Variants in TEK observed in about 807,000 individuals in gnomAD.
The protein encoded by TEK is angiopoietin-1 receptor.
Under a neutral mutation model 131.8 loss-of-function variants are expected in TEK, and 43 were observed. That is an observed-to-expected ratio of 0.33 (90% CI 0.26 to 0.42). The LOEUF is 0.42. TEK is among the 10% of genes least tolerant of loss of function. The probability of loss-of-function intolerance (pLI) is 1.00; values close to 1 mark genes in which losing one functional copy is unlikely to be tolerated. For synonymous variants in TEK, 580 were observed against 491.6 expected, an observed-to-expected ratio of 1.18 and a Z score of -2.38; for missense variants, 1,162 against 1,384.4, an observed-to-expected ratio of 0.84 and a Z score of 2.55.
In TEK at chr9:27,212,834, C is replaced by G. The variant is rs886063825; in HGVS notation, c.2814C>G (p.Ser938=). The G allele has an allele frequency of 1.2e-6, 2 of 1,614,052 alleles. No individual in the cohort carries two copies. The highest frequency in any genetic ancestry group is 4.5e-5 in the East Asian group (2 of 44,874). The change falls in exon 17 of 23, where the codon TCC becomes TCG. Residue 938 remains serine (S), a synonymous_variant. Coordinates refer to ENST00000380036, the MANE Select transcript of TEK (RefSeq NM_000459.5). ...ATAGCACCGCGTCCACACTGTCCTC[C>G]CAGCAGCTCCTTCACTTCGCTGCCG... ...IANSTASTLS[S]QQLLHFAADV... is the part of the protein sequence containing the mutation.
chr9:27,227,503 C>A (rs1220230992), intron 21 of TEK, among the ~76,000 whole-genome samples: 2 of 152,172 alleles, frequency 1.3e-5, no homozygotes, highest in Non-Finnish European at 2.9e-5. Context: ...TCTCACAGTT[C>A]TGAAGGCTGG....
intron 1 of TEK, among the ~76,000 whole-genome samples, chr9:27,136,611 A>T (rs1822452899): frequency 6.6e-6 from 1 of 152,168 alleles, no homozygotes; most frequent in Non-Finnish European, 1.5e-5. Flanking sequence ...ACGGGGACTG[A>T]CATACATTTG....
At chr9:27,136,989 C>T (rs897584018) in intron 1 of TEK, among the ~76,000 whole-genome samples, 5 of 152,108 alleles carry the variant, frequency 3.3e-5, no homozygotes, top group African/African-American at 4.8e-5. Context: ...AGTCTCGGCT[C>T]ACTGCAACCT....
At position 27,213,842 on chromosome 9, in the gene TEK, C is replaced by T. The variant is rs933461938; in HGVS notation, c.2991+245C>T. On this transcript the variant is annotated intron_variant, in intron 18 of 22. Transcript: ENST00000380036. ...TGACCAAGTGATTGAATGTTCAAAC[C>T]TAGTGGTTTGGGGTCTTGGTTCTAT... 2.0e-5 allele frequency among the ~76,000 whole-genome samples: 3 copies of T among 152,194 alleles called. No homozygotes were observed. In the South Asian group the frequency reaches 6.2e-4, roughly 32 times the overall value.
intron 21 of TEK, among the ~76,000 whole-genome samples, chr9:27,225,691 A>T (rs1387113641): frequency 2.0e-5 from 3 of 152,208 alleles, no homozygotes; most frequent in African/African-American, 7.2e-5. Flanking sequence ...AGACTTCATG[A>T]CTAAAACACC....
At chr9:27,184,289 T>C (rs1824511656) in intron 8 of TEK, among the ~76,000 whole-genome samples, 1 of 152,158 alleles carries the variant, frequency 6.6e-6, no homozygotes, top group South Asian at 2.1e-4. Flanking sequence ...ATGCTTTCCT[T>C]CTCTCTCCCA....
intron 1 of TEK, among the ~76,000 whole-genome samples, chr9:27,152,590 G>GCC (rs370861168): frequency 0.15 from 21,423 of 139,772 alleles, 2,104 homozygotes; most frequent in Admixed American, 0.2. Flanking sequence ...CTTATATGAA[G>GCC]CCCCCCCGCC....
chr9:27,209,307 A>G, intron 16 of TEK, 76 bp downstream of exon 16: 1 of 1,057,648 alleles, frequency 9.5e-7, no homozygotes, highest in South Asian at 1.3e-5. Flanking sequence ...ATAAGGAAAG[A>G]TAATGATCTT....
intron 1 of TEK, among the ~76,000 whole-genome samples, chr9:27,147,037 T>G (rs1028753895): frequency 6.6e-6 from 1 of 152,152 alleles, no homozygotes; most frequent in African/African-American, 2.4e-5. Flanking sequence ...CCAACATTCA[T>G]TGTATGAATG....
At chr9:27,146,699 T>C (rs1587515128) in intron 1 of TEK, among the ~76,000 whole-genome samples, 1 of 151,142 alleles carries the variant, frequency 6.6e-6, no homozygotes, top group Non-Finnish European at 1.5e-5. Flanking sequence ...TATGAATAAA[T>C]AGAGCTGCTA....
Position 27,206,666 on chromosome 9 carries a change from C to G in TEK, c.2449C>G (p.Pro817Ala). The change falls in exon 15 of 23, where the codon CCA becomes GCA. Residue 817 changes from proline (P) to alanine (A), a missense_variant. Around this residue, in one of 6 missense-constraint regions of TEK, gnomAD observed 477 missense variants for 471.0 expected, o/e 1.01. Coordinates refer to ENST00000380036, the MANE Select transcript of TEK (RefSeq NM_000459.5). ...AAACAACCCAGATCCTACAATTTAT[C>G]CAGTGCTTGACTGGAATGACATCAA... is the stretch of plus-strand genomic sequence containing the variant. The part of the protein sequence containing the change: ...VKNNPDPTIY[P>A]VLDWNDIKFQ... The G allele has an allele frequency of 6.2e-7, 1 of 1,614,064 alleles. No homozygotes were observed. The highest frequency in any genetic ancestry group is 8.5e-7 in the Non-Finnish European group (1 of 1,180,000).
At chr9:27,161,992 A>G (rs1428162648) in intron 2 of TEK, among the ~76,000 whole-genome samples, 1 of 152,222 alleles carries the variant, frequency 6.6e-6, no homozygotes, top group African/African-American at 2.4e-5. Flanking sequence ...GCATTCACAT[A>G]TTATGGAGTT....
intron 1 of TEK, among the ~76,000 whole-genome samples, chr9:27,115,498 C>CA (rs1412751387): frequency 8.2e-5 from 12 of 146,268 alleles, no homozygotes; most frequent in South Asian, 2.1e-4. Context: ...GACATTGTCT[C>CA]AAAAAAAACA....
intron 18 of TEK, among the ~76,000 whole-genome samples, chr9:27,215,562 T>TTTG (rs1825794351): frequency 1.9e-4 from 1 of 5,376 alleles, no homozygotes; most frequent in African/African-American, 8.5e-4. Flanking sequence ...GCATTAGGGT[T>TTTG]TTTTTTTTTT....
At chr9:27,169,180 C>T (rs1408922341) in intron 3 of TEK, among the ~76,000 whole-genome samples, 1 of 152,160 alleles carries the variant, frequency 6.6e-6, no homozygotes, top group Non-Finnish European at 1.5e-5. Flanking sequence ...TTTCACCTAA[C>T]TTTGCCTGCC....
Position 27,173,313 on chromosome 9 carries a change from CT to C in TEK, c.853del (p.Tyr285MetfsTer64). 6.2e-7 allele frequency: 1 copy of C among 1,614,080 alleles called. No individual in the cohort carries two copies. Among genetic ancestry groups the C allele is most frequent in the Non-Finnish European group, 8.5e-7 (1 of 1,179,968 alleles). On this transcript the variant is annotated frameshift_variant, in exon 6 of 23. Coordinates refer to ENST00000380036, the MANE Select transcript of TEK (RefSeq NM_000459.5). LOFTEE classifies it high-confidence loss of function. ...KSYVFCLPDP[Y>X]GCSCATGWKG... is the part of the protein sequence containing the mutation. ...CTTATGTGTTCTGTCTCCCTGACCC[CT>C]ATGGGTGTTCCTGTGCCACAGGCTG...
chr9:27,186,380 C>G (rs1824599946), intron 9 of TEK, among the ~76,000 whole-genome samples: 1 of 152,134 alleles, frequency 6.6e-6, no homozygotes, highest in Non-Finnish European at 1.5e-5. Context: ...GGCATATATT[C>G]TAGGAAAGAT....
chr9:27,196,868 T>C (rs1825041401), intron 11 of TEK, among the ~76,000 whole-genome samples: 1 of 151,640 alleles, frequency 6.6e-6, no homozygotes, highest in Non-Finnish European at 1.5e-5. Flanking sequence ...TTTTATTTTT[T>C]ATTTTTTATT....
chr9:27,203,195 G>T (rs1165195522), intron 13 of TEK, 76 bp downstream of exon 13: 4 of 1,527,860 alleles, frequency 2.6e-6, no homozygotes, highest in Non-Finnish European at 3.6e-6. Context: ...GGACAGGCCT[G>T]TGAGATGAAA....
Sources: gnomAD v4.1 joint callset for allele counts (sites outside exome capture counted in the v4.1 genomes callset) on GRCh38, gnomAD v4.1.1 for gene constraint, gnomAD v4.1.1 regional missense constraint, MANE v1.5 for transcripts, NCBI Gene and HGNC (gene_info 2026-07-23, HGNC 2026-07-21) for gene names.